Variants in ARHGEF40 observed in about 807,000 individuals in gnomAD.
ARHGEF40 encodes Rho guanine nucleotide exchange factor (GEF) 40.
ARHGEF40 carries 98 observed loss-of-function variants against 165.9 expected under a neutral mutation model. The ratio of observed to expected loss-of-function variants is 0.59; its 90% CI spans 0.50 to 0.70. The LOEUF (loss-of-function observed/expected upper bound fraction) is 0.70. Ranked by LOEUF, ARHGEF40 falls within the 30% of genes least tolerant of loss-of-function variation. The pLI, the probability that ARHGEF40 is intolerant of heterozygous loss-of-function variation, is 0.00. For synonymous variants in ARHGEF40, 792 were observed against 814.3 expected (o/e 0.97, Z 0.47); for missense variants, 1,815 against 1,968.0 (o/e 0.92, Z 1.47).
intron 16 of ARHGEF40, among the ~76,000 whole-genome samples, chr14:21,083,477 G>C (rs1303162851): frequency 1.3e-5 from 2 of 152,180 alleles, no homozygotes; most frequent in East Asian, 3.8e-4. Context: ...GTGAACCTGG[G>C]AGGCGGAGCT....
chr14:21,084,006 C>G lies in ARHGEF40; in HGVS notation c.3745C>G (p.Arg1249Gly). The part of the protein sequence containing the change: ...AVQLLREQEA[R>G]GRDLLAVEAV... ...ACAGCTGCTCCGGGAACAAGAGGCC[C>G]GTGGCAGAGACCTGCTGGCCGTGGA... Residue 1249 changes from arginine (R) to glycine (G), a missense_variant, in exon 17 of 24, where the codon CGT becomes GGT. Transcript: ENST00000298694. 6.2e-7 allele frequency: 1 copy of G among 1,612,362 alleles called. No homozygotes were observed. Among genetic ancestry groups the G allele is most frequent in the Non-Finnish European group, 8.5e-7 (1 of 1,179,696 alleles).
Position 21,072,065 on chromosome 14 carries a change from G to GA in ARHGEF40, c.4-971dup, listed in dbSNP as rs945580509. The stretch of plus-strand genomic sequence containing the variant: ...CCCCTTCCCCATTTACAGCAAAAAA[G>GA]AAAAAAAAATTCCAGTAAAAGGGAC... On this transcript the variant is annotated intron_variant, in intron 1 of 23. Transcript: ENST00000298694. The surrounding 1 kb of genome is among the most constrained non-coding windows in gnomAD (Gnocchi z 4.1). Among the ~76,000 whole-genome samples, 34 of 151,184 alleles carry GA rather than the reference G, an allele frequency of 2.2e-4. No homozygotes were observed. The highest frequency in any genetic ancestry group is 1.3e-3 in the East Asian group (7 of 5,190).
intron 19 of ARHGEF40, chr14:21,086,134 T>C (rs1013420068): frequency 2.6e-6 from 1 of 381,762 alleles, no homozygotes; most frequent in Admixed American, 4.0e-5. Context: ...CCAGCGCATT[T>C]TGGGAGGCCA....
At chr14:21,087,870 T>C in intron 21 of ARHGEF40, 98 bp from the exon 22 acceptor site, 2 of 1,540,788 alleles carry the variant, frequency 1.3e-6, no homozygotes, top group Non-Finnish European at 1.8e-6. Flanking sequence ...CAGCTTCCTG[T>C]TGCTATGGAG....
chr14:21,086,921 AAG>A (rs1888381057), intron 19 of ARHGEF40, 78 bp from the exon 20 acceptor site: 7 of 1,215,232 alleles, frequency 5.8e-6, no homozygotes, highest in Non-Finnish European at 4.5e-6. Flanking sequence ...AAAAAAAAAA[AAG>A]AAAAAAATCA....
the ARHGEF40 span, among the ~76,000 whole-genome samples, chr14:21,063,257 C>A: frequency 3.3e-5 from 5 of 152,124 alleles, no homozygotes; most frequent in Non-Finnish European, 5.9e-5. Context: ...TATAAACACA[C>A]ACGTGTTCAG....
chr14:21,063,218 A>G, the ARHGEF40 span, among the ~76,000 whole-genome samples: 2 of 149,646 alleles, frequency 1.3e-5, no homozygotes, highest in Admixed American at 6.6e-5. Context: ...AGTGGTGTGT[A>G]TGTGTGTGTG....
At chr14:21,087,704 G>A (rs1888470394) in intron 21 of ARHGEF40, 1 of 697,518 alleles carries the variant, frequency 1.4e-6, no homozygotes, top group Admixed American at 3.0e-5. Context: ...GGTTTCTATG[G>A]AAACTGCCTC....
At chr14:21,064,386 C>G in the ARHGEF40 span, among the ~76,000 whole-genome samples, 2 of 148,384 alleles carry the variant, frequency 1.3e-5, no homozygotes, top group African/African-American at 4.9e-5. Context: ...ACTGCAACCT[C>G]TGCCCCTTGG....
rs958308728 is a variant in ARHGEF40, at chr14:21,085,609, C to T, written c.3961-80C>T. 129 of 1,505,224 alleles carry T rather than the reference C, an allele frequency of 8.6e-5. 5 individuals are homozygous for T. The highest frequency in any genetic ancestry group is 4.0e-5 in the Non-Finnish European group (45 of 1,114,178). The allele number at this position is 1,505,224 out of a possible 1,614,324, so 93.2% of individuals were successfully genotyped here. A position where few individuals can be genotyped will look rare whatever the true frequency, so the allele number is the denominator to read the frequency against. On this transcript the variant is annotated intron_variant, in intron 18 of 23. Transcript: ENST00000298694. ...TACTGAACATCTATCAGATGCCAGG[C>T]GAAGCCCAGTGCTTGCCATGTGGCG...
In ARHGEF40 at chr14:21,081,747, C is replaced by A. The variant is rs1178359639; in HGVS notation, c.2879C>A (p.Ala960Glu). The A allele has an allele frequency of 1.3e-6, 2 of 1,579,976 alleles. No individual in the cohort carries two copies. The part of the protein sequence containing the change: ...RRIQQHVGEE[A>E]SPRGYRRRRA... Reference sequence around the variant, plus strand: ...ATCCAGCAACACGTGGGAGAGGAGGCGAGCCCACGGGGCTACCGACGACGG... The same window carrying A: ...ATCCAGCAACACGTGGGAGAGGAGGAGAGCCCACGGGGCTACCGACGACGG... The change falls in exon 14 of 24, where the codon GCG (alanine) becomes GAG (glutamate). Residue 960 changes from alanine to glutamate, a missense_variant. By Grantham distance (107) the Ala-to-Glu change is moderately radical. Transcript: ENST00000298694.
rs149425893 is a variant in ARHGEF40, at chr14:21,073,803, C to T, written c.202-129C>T. ...ACCTGAATACCCCAAATCTCCCCTC[C>T]TGCTCTCCTGAGAGTATAACCTTCC... On this transcript the variant is annotated intron_variant, in intron 2 of 23. Transcript: ENST00000298694. The surrounding 1 kb of genome is among the most constrained non-coding windows in gnomAD (Gnocchi z 4.6). 430 of 1,087,694 alleles carry T rather than the reference C, an allele frequency of 4.0e-4. No individual in the cohort carries two copies. The highest frequency in any genetic ancestry group is 1.0e-3 in the Admixed American group (38 of 37,840). 67.4% of individuals were successfully genotyped at this position (1,087,694 alleles called of 1,614,324 possible).
Position 21,073,320 on chromosome 14 carries a change from GC to G in ARHGEF40, c.201+83del. 1 of 1,448,440 alleles carries G rather than the reference GC, an allele frequency of 6.9e-7. No homozygotes were observed. Among genetic ancestry groups the G allele is most frequent in the Non-Finnish European group, 9.4e-7 (1 of 1,067,616 alleles). The allele number at this position is 1,448,440 out of a possible 1,614,324, so 89.7% of individuals were successfully genotyped here. On this transcript the variant is annotated intron_variant, in intron 2 of 23. Coordinates refer to ENST00000298694, the MANE Select transcript of ARHGEF40 (RefSeq NM_018071.5). The surrounding 1 kb of genome is among the most constrained non-coding windows in gnomAD (Gnocchi z 4.6). The stretch of plus-strand genomic sequence containing the variant: ...CTACAGACTAGCCAGGCTGACTAAT[GC>G]CCCCACTAACCTAGAGATACAGCCT...
chr14:21,073,997 G>A lies in ARHGEF40; in HGVS notation c.267G>A (p.Val89=), dbSNP rs1294454609. 2 of 1,613,238 alleles carry A rather than the reference G, an allele frequency of 1.2e-6. No individual in the cohort carries two copies. Among genetic ancestry groups the A allele is most frequent in the Middle Eastern group, 1.6e-4 (1 of 6,084 alleles). Residue 89 remains valine (V), a synonymous_variant, in exon 3 of 24, where the codon GTG becomes GTA. Transcript: ENST00000298694. The surrounding 1 kb of genome is among the most constrained non-coding windows in gnomAD (Gnocchi z 4.6). Reference sequence around the variant, plus strand: ...CGCTCTGCCTGCATGAACAGGTGGTGGTGCAGCTAGCAGCCCTACCCTGGC... The same window carrying A: ...CGCTCTGCCTGCATGAACAGGTGGTAGTGCAGCTAGCAGCCCTACCCTGGC... ...GWPLCLHEQV[V]VQLAALPWQL...
In ARHGEF40 at chr14:21,083,875, A is replaced by T. The variant is rs1164675177; in HGVS notation, c.3614A>T (p.Gln1205Leu). 1 of 1,613,608 alleles carries T rather than the reference A, an allele frequency of 6.2e-7. No homozygotes were observed. The highest frequency in any genetic ancestry group is 8.5e-7 in the Non-Finnish European group (1 of 1,180,014). ...GGCCCTTACCTGCCCCGAGCCCTGC[A>T]GCAGCCTCTGGAACAGCTGACTCGG... Reference protein sequence around the residue: ...EAGPYLPRALQQPLEQLTRYG... With the variant: ...EAGPYLPRALLQPLEQLTRYG... Residue 1205 changes from glutamine (Q) to leucine (L), a missense_variant, in exon 17 of 24, where the codon CAG (glutamine) becomes CTG (leucine). Gln to Leu is a moderately radical substitution (Grantham distance 113, BLOSUM62 -2). Transcript: ENST00000298694.
chr14:21,075,265 A>G lies in ARHGEF40; in HGVS notation c.1451-67A>G, dbSNP rs1887316971. The G allele has an allele frequency of 1.0e-4, 167 of 1,597,628 alleles. No individual in the cohort carries two copies. The South Asian group carries it at 1.8e-3, about 17-fold the overall frequency. On this transcript the variant is annotated intron_variant, in intron 3 of 23. Coordinates refer to ENST00000298694, the MANE Select transcript of ARHGEF40 (RefSeq NM_018071.5). This position sits in a 1 kb window ranked among gnomAD's most constrained non-coding sequence, Gnocchi z 4.5. ...AGGGGGCAGGAGGAGGAGCAGGGTT[A>G]GGCTGGGAGCAGAACAACCAGAACC...
upstream of ARHGEF40, among the ~76,000 whole-genome samples, chr14:21,065,509 T>TAA (rs1886215993): frequency 6.6e-6 from 1 of 152,104 alleles, no homozygotes; most frequent in Non-Finnish European, 1.5e-5. Context: ...TTATATGTGG[T>TAA]AGAAAGGTGA....
At chr14:21,065,169 CA>C in the ARHGEF40 span, among the ~76,000 whole-genome samples, 304 of 135,262 alleles carry the variant, frequency 2.2e-3, 2 homozygotes, top group African/African-American at 7.0e-3. Flanking sequence ...AACTCCATCT[CA>C]AAAAAAAAAA....
At chr14:21,086,044 C>T in intron 19 of ARHGEF40, 178 bp downstream of exon 19, 10 of 790,614 alleles carry the variant, frequency 1.3e-5, no homozygotes, top group Non-Finnish European at 1.7e-5. Flanking sequence ...TAAGATATAC[C>T]AAAAAGAAAG....
Sources: gnomAD v4.1 joint callset for allele counts (sites outside exome capture counted in the v4.1 genomes callset) on GRCh38, gnomAD v4.1.1 for gene constraint, Gnocchi (gnomAD v3.1) non-coding constraint, MANE v1.5 for transcripts, NCBI Gene and HGNC (gene_info 2026-07-23, HGNC 2026-07-21) for gene names.